MAML3: variants seen among roughly 807,000 people sequenced by gnomAD.
The protein encoded by MAML3 is mastermind-like protein 3.
In MAML3, 27 loss-of-function variants were observed where a neutral mutation model predicts 101.9. That is an observed-to-expected ratio of 0.27 (90% CI 0.20 to 0.37). MAML3 has a LOEUF of 0.37. MAML3 is among the 10% of genes least tolerant of loss of function. The probability of loss-of-function intolerance (pLI) is 1.00; values close to 1 mark genes in which losing one functional copy is unlikely to be tolerated. For synonymous variants in MAML3, 501 were observed against 555.9 expected, an observed-to-expected ratio of 0.90 and a Z score of 1.39; for missense variants, 1,316 against 1,444.9, an observed-to-expected ratio of 0.91 and a Z score of 1.45.
At chr4:139,979,579 T>G (rs2110806840) in intron 1 of MAML3, among the ~76,000 whole-genome samples, 1 of 152,226 alleles carries the variant, frequency 6.6e-6, no homozygotes, top group Non-Finnish European at 1.5e-5. Flanking sequence ...TATCAAGAGG[T>G]AACAGGGCCT....
chr4:139,984,380 G>C (rs1578628841), intron 1 of MAML3, among the ~76,000 whole-genome samples: 1 of 152,258 alleles, frequency 6.6e-6, no homozygotes, highest in East Asian at 1.9e-4. Context: ...ACTGTAAATG[G>C]GGAGGAGTAG....
chr4:139,983,060 T>A (rs1734474841), intron 1 of MAML3, among the ~76,000 whole-genome samples: 1 of 152,230 alleles, frequency 6.6e-6, no homozygotes, highest in South Asian at 2.1e-4. Flanking sequence ...ATAGTTAGAT[T>A]CTTTTGTCAC....
At chr4:140,078,070 T>C (rs1222442748) in intron 1 of MAML3, among the ~76,000 whole-genome samples, 5 of 150,914 alleles carry the variant, frequency 3.3e-5, no homozygotes, top group African/African-American at 1.2e-4. Flanking sequence ...GGTTTTTCTG[T>C]TCCCAAACAC....
intron 2 of MAML3, among the ~76,000 whole-genome samples, chr4:139,762,527 C>T (rs764876949): frequency 7.2e-5 from 11 of 152,116 alleles, no homozygotes; most frequent in African/African-American, 2.7e-4. Flanking sequence ...CAAATGATAA[C>T]GGTCCCCAAA....
At chr4:140,087,269 G>T (rs1322467042) in intron 1 of MAML3, among the ~76,000 whole-genome samples, 12 of 152,150 alleles carry the variant, frequency 7.9e-5, no homozygotes, top group Admixed American at 6.5e-4. Context: ...TAATCAGAGG[G>T]TCCATGCTAT....
At chr4:140,068,149 G>C (rs1040206067) in intron 1 of MAML3, among the ~76,000 whole-genome samples, 2 of 152,074 alleles carry the variant, frequency 1.3e-5, no homozygotes, top group Admixed American at 1.3e-4. Context: ...AAGTGGTCAC[G>C]AGCCCACCCA....
intron 1 of MAML3, among the ~76,000 whole-genome samples, chr4:140,144,188 C>G (rs1275253338): frequency 6.6e-6 from 1 of 152,112 alleles, no homozygotes; most frequent in Non-Finnish European, 1.5e-5. Context: ...GCTGTGACAA[C>G]CAAAAATGTC....
chr4:139,776,037 A>G (rs530357380), intron 2 of MAML3, among the ~76,000 whole-genome samples: 44 of 152,358 alleles, frequency 2.9e-4, no homozygotes, highest in African/African-American at 1.1e-3. Flanking sequence ...AAAATCTTAC[A>G]TAAATATTTC....
intron 2 of MAML3, among the ~76,000 whole-genome samples, chr4:139,861,686 T>C (rs1336349721): frequency 6.6e-6 from 1 of 152,200 alleles, no homozygotes; most frequent in Admixed American, 6.5e-5. Context: ...CTCCAACTCC[T>C]GTCGGGCTCT....
rs550223734 is a variant in MAML3, at chr4:140,065,302, G to A, written c.468+87558C>T. On this transcript the variant is annotated intron_variant, in intron 1 of 4. Transcript: ENST00000509479. ...TACGGTTTGCTTTTTTTTTTTCCCCGAGAAAAATTTCATCAAGGTAGAAGC... is the reference window on the plus strand; with the variant it reads ...TACGGTTTGCTTTTTTTTTTTCCCCAAGAAAAATTTCATCAAGGTAGAAGC... Among the ~76,000 whole-genome samples, 5 of 150,092 alleles carry A rather than the reference G, an allele frequency of 3.3e-5. No individual in the cohort carries two copies. In the East Asian group the frequency reaches 5.9e-4, roughly 18 times the overall value.
intron 2 of MAML3, among the ~76,000 whole-genome samples, chr4:139,775,786 C>T (rs961523660): frequency 1.3e-5 from 2 of 152,160 alleles, no homozygotes; most frequent in African/African-American, 2.4e-5. Context: ...GCACGGTGGA[C>T]ATCCTTTGCC....
chr4:139,889,441 T>A lies in MAML3; in HGVS notation c.1995A>T (p.Glu665Asp). 1 of 1,614,044 alleles carries A rather than the reference T, an allele frequency of 6.2e-7. No homozygotes were observed. Among genetic ancestry groups the A allele is most frequent in the East Asian group, 2.2e-5 (1 of 44,886 alleles). ...QLQAPRAHLS[E>D]DQKRLLLMKQ... Reference sequence around the variant, plus strand: ...TCATGAGAAGCAGGCGTTTCTGGTCTTCGCTCAGGTGTGCCCTGGGGGCCT... The same window carrying A: ...TCATGAGAAGCAGGCGTTTCTGGTCATCGCTCAGGTGTGCCCTGGGGGCCT... The change falls in exon 2 of 5, where the codon GAA (glutamate) becomes GAT (aspartate). Residue 665 changes from glutamate to aspartate, a missense_variant. Coordinates refer to ENST00000509479, the MANE Select transcript of MAML3 (RefSeq NM_018717.5).
intron 2 of MAML3, among the ~76,000 whole-genome samples, chr4:139,884,372 C>G (rs574774162): frequency 2.0e-5 from 3 of 152,288 alleles, no homozygotes; most frequent in Admixed American, 6.5e-5. Context: ...AGCACATATA[C>G]TCATTATGAT....
At chr4:139,820,009 C>G (rs770716222) in intron 2 of MAML3, among the ~76,000 whole-genome samples, 5 of 152,232 alleles carry the variant, frequency 3.3e-5, no homozygotes, top group African/African-American at 4.8e-5. Flanking sequence ...ACCTCTCTCT[C>G]CAATTTCCAC....
At chr4:139,962,933 A>G (rs1734047870) in intron 1 of MAML3, among the ~76,000 whole-genome samples, 1 of 152,170 alleles carries the variant, frequency 6.6e-6, no homozygotes, top group African/African-American at 2.4e-5. Flanking sequence ...AATGGAGACT[A>G]CAGCCAGGTA....
intron 1 of MAML3, among the ~76,000 whole-genome samples, chr4:140,143,283 T>A (rs1269038401): frequency 1.3e-5 from 2 of 152,220 alleles, no homozygotes; most frequent in African/African-American, 4.8e-5. Flanking sequence ...TCAGGAGACG[T>A]TGGCTTGTGC....
At chr4:139,814,130 G>A (rs1730854697) in intron 2 of MAML3, among the ~76,000 whole-genome samples, 1 of 152,082 alleles carries the variant, frequency 6.6e-6, no homozygotes, top group Non-Finnish European at 1.5e-5. Flanking sequence ...GTATCTGAGA[G>A]GCAGAAAGAG....
At chr4:140,124,971 C>A (rs961220279) in intron 1 of MAML3, among the ~76,000 whole-genome samples, 6 of 152,192 alleles carry the variant, frequency 3.9e-5, no homozygotes, top group Non-Finnish European at 7.3e-5. Context: ...GCAGAAGCAA[C>A]AAATTCTTCC....
Position 139,735,872 on chromosome 4 carries a change from C to T in MAML3, c.2080-5205G>A, listed in dbSNP as rs987856294. On this transcript the variant is annotated intron_variant, in intron 2 of 4. Transcript: ENST00000509479. This position sits in a 1 kb window ranked among gnomAD's most constrained non-coding sequence, Gnocchi z 5.8. ...CGGGCAGGGGCGGTGCGGCGGCGCT[C>T]GGGAGACCCGCGAGGGGCCCTGGAG... is the stretch of plus-strand genomic sequence containing the variant. 6.6e-6 allele frequency among the ~76,000 whole-genome samples: 1 copy of T among 151,894 alleles called. No individual in the cohort carries two copies. Among genetic ancestry groups the T allele is most frequent in the Non-Finnish European group, 1.5e-5 (1 of 67,936 alleles).
Sources: gnomAD v4.1 joint callset for allele counts (sites outside exome capture counted in the v4.1 genomes callset) on GRCh38, gnomAD v4.1.1 for gene constraint, Gnocchi (gnomAD v3.1) non-coding constraint, MANE v1.5 for transcripts, NCBI Gene and HGNC (gene_info 2026-07-23, HGNC 2026-07-21) for gene names.